The following ANKRD30BL variants were observed in gnomAD, a reference collection of about 807,000 sequenced individuals.
ANKRD30BL encodes the protein ankyrin repeat domain 30B like.
Under a neutral mutation model 18.4 loss-of-function variants are expected in ANKRD30BL, and 20 were observed. That is an observed-to-expected ratio of 1.09 (90% confidence interval 0.77 to 1.58). ANKRD30BL has a LOEUF of 1.58. Among genes scored for constraint, ANKRD30BL ranks in the 40% most tolerant of loss-of-function variants. The probability of loss-of-function intolerance (pLI) is 0.00; values close to 1 mark genes in which losing one functional copy is unlikely to be tolerated. For missense variants in ANKRD30BL, 224 were observed against 268.6 expected (o/e 0.83, Z 1.16); for synonymous variants, 72 against 100.9 (o/e 0.71, Z 1.72).
chr2:132,169,768 GT>G (rs774545801), intron 1 of ANKRD30BL, among the ~76,000 whole-genome samples: 9 of 151,734 alleles, frequency 5.9e-5, no homozygotes, highest in Non-Finnish European at 1.2e-4. Flanking sequence ...CATTGGTCAA[GT>G]CTTTATGAGA....
chr2:132,222,860 A>AAAAAAAAAAAAC (rs1679731940), intron 1 of ANKRD30BL, among the ~76,000 whole-genome samples: 1 of 144,732 alleles, frequency 6.9e-6, no homozygotes, highest in Non-Finnish European at 1.5e-5. Context: ...AAAAAAAAAA[A>AAAAAAAAAAAAC]AAAAGAAACA....
chr2:132,234,603 C>T (rs922878495), intron 1 of ANKRD30BL, among the ~76,000 whole-genome samples: 1 of 152,092 alleles, frequency 6.6e-6, no homozygotes, highest in African/African-American at 2.4e-5. Context: ...TGGATAAATC[C>T]CTTGACACAT....
intron 1 of ANKRD30BL, among the ~76,000 whole-genome samples, chr2:132,254,388 G>C (rs1002707821): frequency 1.3e-5 from 2 of 151,634 alleles, no homozygotes; most frequent in African/African-American, 2.4e-5. Context: ...ACTTTGTTAC[G>C]ACTTTTACTT....
rs1688241193 is a variant in ANKRD30BL, at chr2:132,169,548, G to T, written n.442-12402C>A. ...TGTAGTCTCATCTATTCAGGAGGCT[G>T]AGGCAGGAGAATCACTTGAACCCAG... On this transcript the variant is annotated intron_variant and non_coding_transcript_variant, in intron 1 of 4. Coordinates refer to the ANKRD30BL transcript ENST00000470729. Among the ~76,000 whole-genome samples, 3 of 148,076 alleles carry T rather than the reference G, an allele frequency of 2.0e-5. No individual in the cohort carries two copies. The South Asian group carries it at 6.2e-4, about 31-fold the overall frequency.
intron 1 of ANKRD30BL, among the ~76,000 whole-genome samples, chr2:132,207,431 T>A (rs1331188051): frequency 2.0e-5 from 3 of 152,054 alleles, no homozygotes; most frequent in African/African-American, 7.2e-5. Context: ...CATCTCTCTC[T>A]AATAACTCTT....
intron 1 of ANKRD30BL, among the ~76,000 whole-genome samples, chr2:132,185,400 T>C (rs1688545817): frequency 6.6e-6 from 1 of 152,170 alleles, no homozygotes; most frequent in Admixed American, 6.5e-5. Flanking sequence ...CCCTTTCCTT[T>C]CTGTGCTGTT....
intron 1 of ANKRD30BL, among the ~76,000 whole-genome samples, chr2:132,237,850 C>T (rs1189705067): frequency 1.3e-5 from 2 of 151,996 alleles, no homozygotes; most frequent in Admixed American, 6.6e-5. Flanking sequence ...GTACTTAACT[C>T]ACAGAGTTGA....
intron 1 of ANKRD30BL, among the ~76,000 whole-genome samples, chr2:132,215,536 A>G (rs1679475024): frequency 6.6e-6 from 1 of 152,202 alleles, no homozygotes; most frequent in African/African-American, 2.4e-5. Flanking sequence ...TCACATAAAA[A>G]TTAGACAGAA....
At chr2:132,234,840 G>C (rs924056953) in intron 1 of ANKRD30BL, among the ~76,000 whole-genome samples, 5 of 152,120 alleles carry the variant, frequency 3.3e-5, no homozygotes, top group Non-Finnish European at 5.9e-5. Context: ...ATTTTATGAG[G>C]CCAGCATCAT....
intron 1 of ANKRD30BL, among the ~76,000 whole-genome samples, chr2:132,200,638 T>C (rs1329625871): frequency 2.0e-5 from 3 of 151,858 alleles, no homozygotes; most frequent in Non-Finnish European, 4.4e-5. Flanking sequence ...CTCAAGGAAA[T>C]AAAAGGGGAT....
chr2:132,171,957 T>G (rs1029112423), intron 1 of ANKRD30BL, among the ~76,000 whole-genome samples: 6 of 152,234 alleles, frequency 3.9e-5, no homozygotes, highest in African/African-American at 1.4e-4. Flanking sequence ...TCAAGCAATA[T>G]TTATCCTTTT....
intron 1 of ANKRD30BL, among the ~76,000 whole-genome samples, chr2:132,158,663 G>C (rs1687975800): frequency 6.7e-6 from 1 of 150,252 alleles, no homozygotes; most frequent in Admixed American, 6.7e-5. Context: ...TGATTAAAAG[G>C]ATAAATACAG....
intron 1 of ANKRD30BL, among the ~76,000 whole-genome samples, chr2:132,177,866 A>G (rs1688392748): frequency 6.6e-6 from 1 of 152,046 alleles, no homozygotes. Context: ...TCTGGCTTTC[A>G]TGGGAATTTT....
At chr2:132,200,040 A>G (rs1287976482) in intron 1 of ANKRD30BL, among the ~76,000 whole-genome samples, 1 of 152,220 alleles carries the variant, frequency 6.6e-6, no homozygotes, top group Non-Finnish European at 1.5e-5. Flanking sequence ...TCTAGCATAT[A>G]AACAGAACCA....
At chr2:132,158,861 T>C (rs549290782) in intron 1 of ANKRD30BL, among the ~76,000 whole-genome samples, 4 of 151,698 alleles carry the variant, frequency 2.6e-5, no homozygotes, top group Non-Finnish European at 4.4e-5. Context: ...GGTAAAAAGA[T>C]TGTCTTTTGA....
chr2:132,220,563 G>T (rs545063958), intron 1 of ANKRD30BL, among the ~76,000 whole-genome samples: 2 of 151,932 alleles, frequency 1.3e-5, no homozygotes, highest in African/African-American at 4.8e-5. Context: ...ACGGGGTTTC[G>T]CTGTGTTGGC....
Position 132,154,694 on chromosome 2 carries a change from AT to A in ANKRD30BL, c.581del (p.Asn194MetfsTer69). 1.4e-6 allele frequency: 1 copy of A among 729,206 alleles called. No homozygotes were observed. The highest frequency in any genetic ancestry group is 2.6e-6 in the Non-Finnish European group (1 of 390,344). 45.2% of individuals were successfully genotyped at this position (729,206 alleles called of 1,614,324 possible). A position where few individuals can be genotyped will look rare whatever the true frequency, so the allele number is the denominator to read the frequency against. Reference protein sequence around the residue: ...EEIVEFLLTKNANANAVDKFK... With the variant: ...EEIVEFLLTKXANANAVDKFK... ...ACTTATCAACTGCATTTGCATTTGC[AT>A]TTTTTGTCAGTAAAAATTCCACAAT... On this transcript the variant is annotated frameshift_variant, in exon 4 of 6. Transcript: ENST00000409867. LOFTEE classifies it high-confidence loss of function.
chr2:132,204,699 T>C (rs1408027132), intron 1 of ANKRD30BL, among the ~76,000 whole-genome samples: 1 of 152,158 alleles, frequency 6.6e-6, no homozygotes, highest in Non-Finnish European at 1.5e-5. Context: ...CTGAACTTAA[T>C]AATTCATTTA....
intron 1 of ANKRD30BL, among the ~76,000 whole-genome samples, chr2:132,218,483 A>G (rs13012405): frequency 6.1e-5 from 9 of 148,206 alleles, no homozygotes; most frequent in Non-Finnish European, 9.0e-5. Context: ...CAGACAGAAA[A>G]ATTCTCAGAA....
Sources: gnomAD v4.1 joint callset for allele counts (sites outside exome capture counted in the v4.1 genomes callset) on GRCh38, gnomAD v4.1.1 for gene constraint, MANE v1.5 for transcripts, NCBI Gene and HGNC (gene_info 2026-07-23, HGNC 2026-07-21) for gene names.